The following HTR4 variants were observed in gnomAD, a reference collection of about 807,000 sequenced individuals.
The protein encoded by HTR4 is 5-hydroxytryptamine receptor 4, also known as 5-hydroxytryptamine (serotonin) receptor 4, G protein-coupled.
HTR4 carries 16 observed loss-of-function variants against 36.8 expected under a neutral mutation model. That is an observed-to-expected ratio of 0.43 (90% confidence interval 0.29 to 0.66). HTR4 has a LOEUF of 0.66. HTR4 is among the 30% of genes least tolerant of loss of function. The pLI is 0.13. For synonymous variants in HTR4, 189 were observed against 185.1 expected (o/e 1.02, Z -0.17); for missense variants, 438 against 490.9 (o/e 0.89, Z 1.02).
In HTR4 at chr5:148,522,088, T is replaced by C. The variant is rs143837911; in HGVS notation, c.507+1105A>G. Among the ~76,000 whole-genome samples the C allele has an allele frequency of 7.8e-3, 1,193 of 152,258 alleles. 11 individuals are homozygous for C. Among genetic ancestry groups the C allele is most frequent in the Middle Eastern group, 0.034 (10 of 294 alleles). ...TATGTCTCATGAGATCTGATGGTTT[T>C]ATAAAGGGGAAACCCCCTTCGCTTG... is the stretch of plus-strand genomic sequence containing the variant. On this transcript the variant is annotated intron_variant, in intron 5 of 6. Coordinates refer to ENST00000377888, the MANE Select transcript of HTR4 (RefSeq NM_000870.7).
At chr5:148,510,183 A>G (rs565890465) in intron 5 of HTR4, among the ~76,000 whole-genome samples, 159 bp from the exon 6 acceptor site, 1 of 152,262 alleles carries the variant, frequency 6.6e-6, no homozygotes, top group Non-Finnish European at 1.5e-5. Context: ...GAGAACAAGG[A>G]AAGAAAATGG....
chr5:148,490,193 G>GTA (rs1210270540), intron 6 of HTR4, among the ~76,000 whole-genome samples: 2 of 147,262 alleles, frequency 1.4e-5, no homozygotes, highest in East Asian at 2.0e-4. Flanking sequence ...ATGTGTGTGT[G>GTA]TATATATATA....
At chr5:148,550,285 A>G (rs1173455922) in intron 2 of HTR4, 23 bp from the exon 3 acceptor site, 18 of 1,613,196 alleles carry the variant, frequency 1.1e-5, no homozygotes, top group Non-Finnish European at 1.4e-5. Context: ...CACAAGCACA[A>G]AGAATTGAAT....
At chr5:148,605,722 G>A (rs1752133598) in intron 2 of HTR4, among the ~76,000 whole-genome samples, 2 of 151,132 alleles carry the variant, frequency 1.3e-5, no homozygotes, top group African/African-American at 4.9e-5. Flanking sequence ...TTGTATAGAT[G>A]AAGAAACTAA....
chr5:148,554,085 T>A (rs1759819849), intron 2 of HTR4, among the ~76,000 whole-genome samples: 1 of 152,206 alleles, frequency 6.6e-6, no homozygotes. Context: ...GTTGTTGTTG[T>A]TGTTTTTGAG....
At chr5:148,515,515 T>C (rs1421842143) in intron 5 of HTR4, among the ~76,000 whole-genome samples, 1 of 152,184 alleles carries the variant, frequency 6.6e-6, no homozygotes, top group Non-Finnish European at 1.5e-5. Context: ...TACAAAAACC[T>C]GATGTGGAAA....
chr5:148,650,520 T>A (rs891006552), intron 1 of HTR4, among the ~76,000 whole-genome samples: 6 of 152,218 alleles, frequency 3.9e-5, no homozygotes, highest in South Asian at 2.1e-4. Context: ...GTCAACAGCA[T>A]GCAGAATGGA....
Position 148,481,679 on chromosome 5 carries a change from G to GA in HTR4, c.*1523dup, listed in dbSNP as rs201300949. ...ATAACTGACACCTTATAAGCAATAA[G>GA]AAAAAAAGAGAATATGATAAATAAT... On this transcript the variant is annotated 3_prime_UTR_variant, in exon 7 of 7. Coordinates refer to ENST00000377888, the MANE Select transcript of HTR4 (RefSeq NM_000870.7). The GA allele has an allele frequency of 6.8e-7, 1 of 1,476,832 alleles. No homozygotes were observed. Among genetic ancestry groups the GA allele is most frequent in the African/African-American group, 1.4e-5 (1 of 69,858 alleles). 91.5% of individuals were successfully genotyped at this position (1,476,832 alleles called of 1,614,324 possible).
At chr5:148,589,931 G>T (rs1761494350) in intron 2 of HTR4, among the ~76,000 whole-genome samples, 1 of 152,026 alleles carries the variant, frequency 6.6e-6, no homozygotes, top group South Asian at 2.1e-4. Context: ...ATGCTGTCTA[G>T]TAGAACTCCA....
chr5:148,548,772 T>C lies in HTR4; in HGVS notation c.249A>G (p.Gln83=). 6.2e-7 allele frequency: 1 copy of C among 1,614,092 alleles called. No homozygotes were observed. The highest frequency in any genetic ancestry group is 8.5e-7 in the Non-Finnish European group (1 of 1,179,996). The change falls in exon 4 of 7, where the codon CAA becomes CAG. Residue 83 remains glutamine (Q), a synonymous_variant. Transcript: ENST00000377888. ...ACACCTCCCCATAAATCCAGATGTC[T>C]TGAACCAGCTCAATGGCACCAAAGG... is the stretch of plus-strand genomic sequence containing the variant. ...VMPFGAIELV[Q]DIWIYGEVFC... is the part of the protein sequence containing the mutation.
chr5:148,492,863 G>A (rs1756517741), intron 6 of HTR4, among the ~76,000 whole-genome samples: 1 of 152,188 alleles, frequency 6.6e-6, no homozygotes, highest in Admixed American at 6.5e-5. Context: ...TGCAGCCATG[G>A]CACTGTGCTG....
intron 5 of HTR4, among the ~76,000 whole-genome samples, chr5:148,513,819 G>T (rs1757608101): frequency 6.6e-6 from 1 of 151,716 alleles, no homozygotes; most frequent in South Asian, 2.1e-4. Context: ...AATTTTCTTT[G>T]TGTCTTGCAC....
At chr5:148,635,943 A>G (rs1024655322) in intron 2 of HTR4, among the ~76,000 whole-genome samples, 1 of 152,206 alleles carries the variant, frequency 6.6e-6, no homozygotes, top group Non-Finnish European at 1.5e-5. Context: ...CTAAAAATAC[A>G]GTCTCTTTGT....
intron 4 of HTR4, 29 bp downstream of exon 4, chr5:148,548,639 C>A (rs763142578): frequency 6.5e-7 from 1 of 1,543,068 alleles, no homozygotes; most frequent in Admixed American, 1.9e-5. Context: ...CAGCATGGAG[C>A]TCCGCTATGC....
Position 148,500,714 on chromosome 5 carries a change from T to C in HTR4, c.1076+8742A>G, listed in dbSNP as rs570016307. 1.2e-4 allele frequency among the ~76,000 whole-genome samples: 18 copies of C among 152,168 alleles called. 1 individual carries two copies. The South Asian group carries it at 3.5e-3, about 30-fold the overall frequency. On this transcript the variant is annotated intron_variant, in intron 6 of 6. Transcript: ENST00000377888. The stretch of plus-strand genomic sequence containing the variant: ...AAGGGCCAAACACATAAAGATGCAC[T>C]TTATATAAGAATAAATATAAATAGT...
At chr5:148,521,048 C>T in intron 5 of HTR4, 1 of 1,348,148 alleles carries the variant, frequency 7.4e-7, no homozygotes, top group Non-Finnish European at 9.9e-7. Flanking sequence ...GGTCCTGTTG[C>T]TCTTAATCTC....
At chr5:148,641,937 G>A (rs970585390) in intron 1 of HTR4, among the ~76,000 whole-genome samples, 2 of 152,138 alleles carry the variant, frequency 1.3e-5, no homozygotes, top group African/African-American at 4.8e-5. Flanking sequence ...CCACCTACTG[G>A]AATGAAATAT....
chr5:148,465,917 G>C (rs1474750048), intron 5 of HTR4: 1 of 1,613,036 alleles, frequency 6.2e-7, no homozygotes, highest in East Asian at 2.2e-5. Context: ...GGAGACAGGG[G>C]AACAGCCACT....
At position 148,520,427 on chromosome 5, in the gene HTR4, A is replaced by T. The variant is rs185861393; in HGVS notation, c.507+2766T>A. Among the ~76,000 whole-genome samples the T allele has an allele frequency of 1.7e-3, 255 of 152,298 alleles. 1 individual carries two copies. Among genetic ancestry groups the T allele is most frequent in the African/African-American group, 5.7e-3 (236 of 41,576 alleles). ...CAGGAGGTAGAAGTGCTGATCCCTCATCAGAAGTTCCCAATGCACAGAAGC... is the reference window on the plus strand; with the variant it reads ...CAGGAGGTAGAAGTGCTGATCCCTCTTCAGAAGTTCCCAATGCACAGAAGC... On this transcript the variant is annotated intron_variant, in intron 5 of 6. Transcript: ENST00000377888.
Sources: allele counts gnomAD v4.1 joint callset (sites outside exome capture counted in the v4.1 genomes callset), GRCh38; gene constraint gnomAD v4.1.1; transcripts MANE v1.5; gene names NCBI Gene and HGNC (gene_info 2026-07-23, HGNC 2026-07-21).